The following LYST variants were observed in gnomAD, a reference collection of about 807,000 sequenced individuals.
LYST encodes the protein lysosomal-trafficking regulator.
Under a neutral mutation model 413.6 loss-of-function variants are expected in LYST, and 192 were observed. The observed-to-expected ratio is 0.46, with a 90% confidence interval of 0.41 to 0.52. LYST has a LOEUF of 0.52. LYST is among the 20% of genes least tolerant of loss of function. The pLI is 0.00. For synonymous variants in LYST, 1,525 were observed against 1,567.3 expected (o/e 0.97, Z 0.64); for missense variants, 3,815 against 4,499.9 (o/e 0.85, Z 4.35).
chr1:235,692,993 C>T (rs192481945), intron 47 of LYST, among the ~76,000 whole-genome samples: 20 of 149,666 alleles, frequency 1.3e-4, no homozygotes, highest in African/African-American at 4.2e-4. Context: ...TGCACTCCAG[C>T]CTGGGCAACA....
Position 235,770,309 on chromosome 1 carries a change from A to C in LYST, c.5785-12T>G. 6.2e-7 allele frequency: 1 copy of C among 1,613,502 alleles called. No individual in the cohort carries two copies. The highest frequency in any genetic ancestry group is 8.5e-7 in the Non-Finnish European group (1 of 1,179,556). ...TCCCAAACACCTTGCTGAAGAGATA[A>C]ACACACACCAATAAGCACATACTTA... On this transcript the variant is annotated splice_polypyrimidine_tract_variant and intron_variant, in intron 19 of 52. Transcript: ENST00000389793.
At chr1:235,827,417 G>C in intron 3 of LYST, 1 of 983,088 alleles carries the variant, frequency 1.0e-6, no homozygotes, top group Non-Finnish European at 1.2e-6. Context: ...ACAGTTGGTG[G>C]GAAAGGGCTT....
chr1:235,778,872 CTT>C (rs894713476), intron 16 of LYST, among the ~76,000 whole-genome samples: 1 of 144,168 alleles, frequency 6.9e-6, no homozygotes. Context: ...TGTCTTTTTT[CTT>C]TTTTTTTTTG....
At chr1:235,717,426 C>A (rs1192113578) in intron 40 of LYST, among the ~76,000 whole-genome samples, 1 of 152,226 alleles carries the variant, frequency 6.6e-6, no homozygotes, top group Admixed American at 6.5e-5. Flanking sequence ...CCACATGACA[C>A]CATTCCTTGA....
chr1:235,822,515 C>T (rs2102958884), intron 3 of LYST, among the ~76,000 whole-genome samples: 1 of 152,326 alleles, frequency 6.6e-6, no homozygotes, highest in South Asian at 2.1e-4. Flanking sequence ...AAAATTACTA[C>T]ATGTGAAAGC....
chr1:235,770,336 T>C (rs1558218070), intron 19 of LYST, 39 bp from the exon 20 acceptor site: 1 of 1,601,232 alleles, frequency 6.2e-7, no homozygotes, highest in East Asian at 2.2e-5. Context: ...ACATACTTAC[T>C]GAAAAATATG....
At chr1:235,738,323 T>C in intron 31 of LYST, 1 of 1,611,912 alleles carries the variant, frequency 6.2e-7, no homozygotes, top group African/African-American at 1.3e-5. Context: ...CCATCTTAAT[T>C]TGGTCCAGTG....
At chr1:235,816,338 G>A (rs1674079402) in intron 3 of LYST, among the ~76,000 whole-genome samples, 1 of 149,758 alleles carries the variant, frequency 6.7e-6, no homozygotes, top group South Asian at 2.1e-4. Context: ...CTACTCGGGA[G>A]CTGAGGCAGG....
chr1:235,859,433 A>G (rs542784816), intron 1 of LYST, among the ~76,000 whole-genome samples: 43 of 152,246 alleles, frequency 2.8e-4, no homozygotes, highest in Admixed American at 8.5e-4. Context: ...AAAGTATTTG[A>G]AAGAATATAT....
intron 1 of LYST, among the ~76,000 whole-genome samples, chr1:235,853,547 G>C (rs1357717826): frequency 1.3e-5 from 2 of 151,772 alleles, no homozygotes; most frequent in Non-Finnish European, 2.9e-5. Context: ...GGGAAGAATG[G>C]AAATCTAAGA....
intron 10 of LYST, 59 bp from the exon 11 acceptor site, chr1:235,793,671 G>A: frequency 1.1e-6 from 1 of 870,014 alleles, no homozygotes; most frequent in African/African-American, 1.7e-5. Context: ...GAATAAATGA[G>A]CAATTTCACC....
intron 1 of LYST, among the ~76,000 whole-genome samples, chr1:235,860,722 A>T (rs1004540410): frequency 3.3e-5 from 5 of 152,196 alleles, no homozygotes; most frequent in African/African-American, 1.2e-4. Context: ...ACATATTTAA[A>T]GTGCATAATT....
Position 235,791,476 on chromosome 1 carries a change from G to T in LYST, c.4543+223C>A, listed in dbSNP as rs144960669. ...CCCCAGAAAAAGTTGTATATGTGGT[G>T]TCCCCTTCACCCCTATAAAAAACTA... On this transcript the variant is annotated intron_variant, in intron 12 of 52. Coordinates refer to ENST00000389793, the MANE Select transcript of LYST (RefSeq NM_000081.4). The T allele has an allele frequency of 2.7e-3, 1,385 of 506,432 alleles. 31 individuals are homozygous for T. The Admixed American group carries it at 0.036, about 13-fold the overall frequency. 31.4% of individuals were successfully genotyped at this position (506,432 alleles called of 1,614,324 possible).
intron 17 of LYST, among the ~76,000 whole-genome samples, chr1:235,775,325 C>T (rs1030482899): frequency 2.6e-5 from 4 of 152,008 alleles, no homozygotes; most frequent in African/African-American, 7.3e-5. Flanking sequence ...ACCTTAGTGG[C>T]CAGTAGCATT....
chr1:235,736,911 C>T (rs1417854497), intron 31 of LYST: 2 of 151,958 alleles, frequency 1.3e-5, no homozygotes, highest in Non-Finnish European at 2.9e-5. Flanking sequence ...GGGATAAAAG[C>T]TAGAACCTCT....
At chr1:235,672,410 A>T (rs757918402) in intron 50 of LYST, among the ~76,000 whole-genome samples, 2 of 152,122 alleles carry the variant, frequency 1.3e-5, no homozygotes, top group African/African-American at 2.4e-5. Flanking sequence ...AGAAGGACCC[A>T]CCAGTGACCT....
chr1:235,848,300 A>G (rs1678119759), intron 1 of LYST, among the ~76,000 whole-genome samples: 2 of 152,294 alleles, frequency 1.3e-5, no homozygotes, highest in South Asian at 4.1e-4. Context: ...CAAAAACGAA[A>G]TCAAGATAGA....
intron 31 of LYST, among the ~76,000 whole-genome samples, chr1:235,740,695 C>A (rs778825375): frequency 6.6e-6 from 1 of 152,178 alleles, no homozygotes; most frequent in African/African-American, 2.4e-5. Flanking sequence ...TGTGTTTGTA[C>A]ATTCTTCTGT....
intron 1 of LYST, among the ~76,000 whole-genome samples, chr1:235,848,408 C>T (rs780304462): frequency 1.3e-5 from 2 of 152,002 alleles, no homozygotes; most frequent in Non-Finnish European, 2.9e-5. Context: ...GTTCACAGTC[C>T]TAAATGCCTA....
Sources: allele counts gnomAD v4.1 joint callset (sites outside exome capture counted in the v4.1 genomes callset), GRCh38; gene constraint gnomAD v4.1.1; transcripts MANE v1.5; gene names NCBI Gene and HGNC (gene_info 2026-07-23, HGNC 2026-07-21).